The following EPHA6 variants were observed in gnomAD, a reference collection of about 807,000 sequenced individuals.
EPHA6 encodes the protein ephrin type-A receptor 6.
A neutral mutation model predicts 112.0 loss-of-function variants in EPHA6; 50 were observed. The observed-to-expected ratio is 0.45, with a 90% CI of 0.36 to 0.56. The LOEUF is 0.56. Among genes scored for constraint, EPHA6 ranks in the 20% least tolerant of loss-of-function variants. The pLI is 0.00. For synonymous variants in EPHA6, 529 were observed against 490.7 expected (o/e 1.08, Z -1.03); for missense variants, 1,280 against 1,417.4 (o/e 0.90, Z 1.56).
At chr3:97,016,063 C>T (rs2044256174) in intron 3 of EPHA6, among the ~76,000 whole-genome samples, 1 of 150,706 alleles carries the variant, frequency 6.6e-6, no homozygotes, top group Admixed American at 6.6e-5. Context: ...AAATCAACAG[C>T]TTCATTAATC....
intron 10 of EPHA6, among the ~76,000 whole-genome samples, chr3:97,499,326 C>A (rs1308980222): frequency 6.6e-6 from 1 of 152,158 alleles, no homozygotes; most frequent in African/African-American, 2.4e-5. Context: ...ACTGATGATA[C>A]CTTCATAACT....
At chr3:97,126,004 G>A (rs2108314467) in intron 3 of EPHA6, among the ~76,000 whole-genome samples, 1 of 152,298 alleles carries the variant, frequency 6.6e-6, no homozygotes, top group East Asian at 1.9e-4. Flanking sequence ...ATTACAAAAT[G>A]AGACTTATTC....
chr3:97,107,179 T>A (rs75450963), intron 3 of EPHA6, among the ~76,000 whole-genome samples: 6,334 of 152,232 alleles, frequency 0.042, 395 homozygotes, highest in African/African-American at 0.14. Context: ...GTAAATGTAA[T>A]TTACTTTGTA....
intron 3 of EPHA6, among the ~76,000 whole-genome samples, chr3:97,122,323 A>G (rs1032177460): frequency 6.6e-6 from 1 of 152,058 alleles, no homozygotes; most frequent in African/African-American, 2.4e-5. Context: ...CATTAACAAT[A>G]TCATCTCAAT....
chr3:97,568,652 C>T (rs565857881), intron 11 of EPHA6, among the ~76,000 whole-genome samples: 11 of 152,306 alleles, frequency 7.2e-5, no homozygotes, highest in Admixed American at 7.2e-4. Context: ...CTTTTCTCCT[C>T]TATGTAGAAT....
At chr3:97,201,005 A>C (rs986731465) in intron 3 of EPHA6, among the ~76,000 whole-genome samples, 1 of 152,192 alleles carries the variant, frequency 6.6e-6, no homozygotes, top group African/African-American at 2.4e-5. Flanking sequence ...CAGAAATTAC[A>C]GATGAATTAT....
At chr3:97,368,388 C>T (rs1007080023) in intron 5 of EPHA6, among the ~76,000 whole-genome samples, 12 of 151,936 alleles carry the variant, frequency 7.9e-5, no homozygotes, top group South Asian at 2.1e-4. Flanking sequence ...AATACTTCAT[C>T]GTGTATAAAT....
chr3:96,898,570 T>C (rs1337558354), intron 2 of EPHA6, among the ~76,000 whole-genome samples: 1 of 152,148 alleles, frequency 6.6e-6, no homozygotes, highest in Non-Finnish European at 1.5e-5. Flanking sequence ...TAATACATCT[T>C]TGTGTATATA....
intron 2 of EPHA6, among the ~76,000 whole-genome samples, chr3:96,934,441 A>AT (rs990763021): frequency 3.3e-5 from 5 of 151,754 alleles, no homozygotes; most frequent in South Asian, 2.1e-4. Context: ...TTCCAGAACT[A>AT]TTTTTTCTGC....
chr3:96,895,741 T>G (rs908473152), intron 2 of EPHA6, among the ~76,000 whole-genome samples: 3 of 152,198 alleles, frequency 2.0e-5, no homozygotes, highest in African/African-American at 7.2e-5. Flanking sequence ...TATTAAAGCT[T>G]CTAGTGTTTG....
intron 2 of EPHA6, among the ~76,000 whole-genome samples, chr3:96,872,375 T>G (rs2036675701): frequency 6.6e-6 from 1 of 152,052 alleles, no homozygotes; most frequent in Non-Finnish European, 1.5e-5. Flanking sequence ...GATAGAAGCC[T>G]CCTGTGTTTA....
At chr3:97,117,833 T>C (rs1285623220) in intron 3 of EPHA6, among the ~76,000 whole-genome samples, 1 of 151,856 alleles carries the variant, frequency 6.6e-6, no homozygotes, top group Middle Eastern at 3.2e-3. Flanking sequence ...AAACCAAGTA[T>C]GAATGGTGCA....
In EPHA6 at chr3:97,749,817, C is replaced by G. The variant is rs1176329960; in HGVS notation, c.*1116C>G. Among the ~76,000 whole-genome samples the G allele has an allele frequency of 2.0e-5, 3 of 152,084 alleles. No individual in the cohort carries two copies. Among genetic ancestry groups the G allele is most frequent in the Non-Finnish European group, 4.4e-5 (3 of 67,994 alleles). ...GCAAGTTGAAGCGTTCTTATGTTTT[C>G]TTTGCAAAAATAGTTACATGAACAT... On this transcript the variant is annotated 3_prime_UTR_variant, in exon 18 of 18. Coordinates refer to ENST00000389672, the MANE Select transcript of EPHA6 (RefSeq NM_001080448.3).
intron 11 of EPHA6, among the ~76,000 whole-genome samples, chr3:97,572,506 G>A (rs950735540): frequency 6.6e-6 from 1 of 151,986 alleles, no homozygotes; most frequent in Admixed American, 6.6e-5. Flanking sequence ...GTTTTATGCT[G>A]ATATTTTAAC....
chr3:96,983,346 T>C (rs1013482451), intron 2 of EPHA6, among the ~76,000 whole-genome samples: 1 of 152,132 alleles, frequency 6.6e-6, no homozygotes, highest in Non-Finnish European at 1.5e-5. Context: ...TTCTGGGTTG[T>C]AAATTCTTTT....
At chr3:97,025,308 A>G (rs1028614909) in intron 3 of EPHA6, among the ~76,000 whole-genome samples, 3 of 152,166 alleles carry the variant, frequency 2.0e-5, no homozygotes, top group African/African-American at 2.4e-5. Flanking sequence ...AAAGGGAGAG[A>G]GAGAGAGAAT....
chr3:97,350,972 A>T (rs1038547753), intron 5 of EPHA6, among the ~76,000 whole-genome samples: 5 of 152,196 alleles, frequency 3.3e-5, no homozygotes, highest in Admixed American at 6.5e-5. Flanking sequence ...TTCTTGCTAA[A>T]TGACCTTGTA....
At chr3:96,981,418 T>C (rs571365531) in intron 2 of EPHA6, among the ~76,000 whole-genome samples, 1 of 152,246 alleles carries the variant, frequency 6.6e-6, no homozygotes, top group African/African-American at 2.4e-5. Flanking sequence ...TCATGGTGGA[T>C]AAGCTTTTTG....
At chr3:97,183,435 T>C (rs2077043114) in intron 3 of EPHA6, among the ~76,000 whole-genome samples, 1 of 152,184 alleles carries the variant, frequency 6.6e-6, no homozygotes, top group Admixed American at 6.5e-5. Flanking sequence ...ATTATGCTAT[T>C]GTACATCTAC....
Sources: gnomAD v4.1 joint callset for allele counts (sites outside exome capture counted in the v4.1 genomes callset) on GRCh38, gnomAD v4.1.1 for gene constraint, MANE v1.5 for transcripts, NCBI Gene and HGNC (gene_info 2026-07-23, HGNC 2026-07-21) for gene names.